PTCSC3: variants seen among roughly 807,000 people sequenced by gnomAD.
PTCSC3 encodes papillary thyroid carcinoma susceptibility candidate 3.
chr14:36,169,073 C>A (rs1882147471), intron 1 of PTCSC3, among the ~76,000 whole-genome samples: 1 of 152,094 alleles, frequency 6.6e-6, no homozygotes, highest in African/African-American at 2.4e-5. Context: ...AAAAAAAACT[C>A]TCTTAAATCC....
chr14:36,157,310 G>A (rs116523844), intron 2 of PTCSC3, among the ~76,000 whole-genome samples: 3,628 of 152,226 alleles, frequency 0.024, 138 homozygotes, highest in African/African-American at 0.084. Context: ...TCCTAAGTCA[G>A]ATGGATAGAT....
intron 1 of PTCSC3, among the ~76,000 whole-genome samples, chr14:36,172,934 AAAACT>A (rs1882215551): frequency 1.3e-5 from 2 of 151,222 alleles, no homozygotes; most frequent in African/African-American, 4.9e-5. Context: ...ATAAAAACTT[AAAACT>A]TGCTTTGTTT....
At chr14:36,157,831 T>C (rs115990136) in intron 2 of PTCSC3, among the ~76,000 whole-genome samples, 2,632 of 152,300 alleles carry the variant, frequency 0.017, 95 homozygotes, top group Admixed American at 0.082. Flanking sequence ...GCATTCACTC[T>C]ATAAATTACT....
intron 2 of PTCSC3, among the ~76,000 whole-genome samples, chr14:36,157,093 C>A (rs1384294743): frequency 2.6e-5 from 4 of 152,130 alleles, no homozygotes; most frequent in Non-Finnish European, 5.9e-5. Context: ...CTGACTTTTT[C>A]ATGATCACCA....
At chr14:36,164,705 C>T (rs1435627209) in intron 1 of PTCSC3, among the ~76,000 whole-genome samples, 3 of 152,174 alleles carry the variant, frequency 2.0e-5, no homozygotes, top group African/African-American at 7.2e-5. Flanking sequence ...TCCCCACTGA[C>T]CTCTATGTCC....
At chr14:36,155,594 T>G (rs753226267) in intron 2 of PTCSC3, among the ~76,000 whole-genome samples, 1 of 152,106 alleles carries the variant, frequency 6.6e-6, no homozygotes, top group Non-Finnish European at 1.5e-5. Context: ...AATGATACAG[T>G]AATAATGGAA....
chr14:36,151,342 T>G (rs890034885), intron 3 of PTCSC3, among the ~76,000 whole-genome samples: 9 of 152,150 alleles, frequency 5.9e-5, no homozygotes, highest in Non-Finnish European at 1.2e-4. Flanking sequence ...TTCCTACAGT[T>G]GGGATATCAT....
intron 3 of PTCSC3, among the ~76,000 whole-genome samples, chr14:36,137,179 A>G (rs1881306730): frequency 6.6e-6 from 1 of 152,200 alleles, no homozygotes; most frequent in Non-Finnish European, 1.5e-5. Context: ...CCATGCAGAT[A>G]TCTAGGGTGT....
Position 36,148,799 on chromosome 14 carries a change from CG to C in PTCSC3, n.322+5004del, listed in dbSNP as rs1237910903. On this transcript the variant is annotated intron_variant and non_coding_transcript_variant, in intron 3 of 3. Coordinates refer to ENST00000556013, the Ensembl canonical transcript of PTCSC3. ...AGCCCATTTTATCTAAATATTATCA[CG>C]TTGTGGGCATAGAGTTGTTTAAAAT... Among the ~76,000 whole-genome samples the C allele has an allele frequency of 2.6e-5, 4 of 152,218 alleles. No homozygotes were observed. In the East Asian group the frequency reaches 5.8e-4, roughly 22 times the overall value.
intron 3 of PTCSC3, among the ~76,000 whole-genome samples, chr14:36,153,471 T>C (rs757743699): frequency 6.6e-6 from 1 of 152,224 alleles, no homozygotes; most frequent in African/African-American, 2.4e-5. Context: ...GTTGACACGA[T>C]GTTGACACCC....
chr14:36,136,505 G>A (rs1023323440), intron 3 of PTCSC3: 4 of 152,160 alleles, frequency 2.6e-5, no homozygotes, highest in African/African-American at 9.7e-5. Context: ...TGATTATGAG[G>A]AGGCATGGGT....
At chr14:36,142,538 G>T (rs1036041691) in intron 3 of PTCSC3, among the ~76,000 whole-genome samples, 1 of 152,208 alleles carries the variant, frequency 6.6e-6, no homozygotes, top group African/African-American at 2.4e-5. Flanking sequence ...TTTTCTGGAA[G>T]AGATTGTGAA....
chr14:36,136,173 T>C (rs961057371), exon 4 of PTCSC3: 1 of 152,226 alleles, frequency 6.6e-6, no homozygotes. Context: ...GGCAGCTGAT[T>C]AGATGGTGCC....
At chr14:36,168,023 G>C (rs1181453312) in intron 1 of PTCSC3, among the ~76,000 whole-genome samples, 1 of 151,900 alleles carries the variant, frequency 6.6e-6, no homozygotes, top group Non-Finnish European at 1.5e-5. Flanking sequence ...ACGTTCCCAG[G>C]CATGTGAATT....
chr14:36,167,787 G>A (rs1184669563), intron 1 of PTCSC3, among the ~76,000 whole-genome samples: 3 of 151,848 alleles, frequency 2.0e-5, no homozygotes, highest in Non-Finnish European at 4.4e-5. Flanking sequence ...CCGTCAGAGG[G>A]GAAAAAACGC....
chr14:36,160,213 T>G (rs1376742759), intron 2 of PTCSC3, among the ~76,000 whole-genome samples: 1 of 152,228 alleles, frequency 6.6e-6, no homozygotes, highest in Non-Finnish European at 1.5e-5. Flanking sequence ...ATTGGGGCAT[T>G]TAGTCCATTT....
chr14:36,162,258 G>GAAAAAAA lies in PTCSC3; in HGVS notation n.231+359_231+365dup, dbSNP rs58223160. ...GCGTTCCAGGAGCTGCTGGGGTATG[G>GAAAAAAA]AAAAAAAAAAAAAAAAAAAAAAAAA... On this transcript the variant is annotated intron_variant and non_coding_transcript_variant, in intron 2 of 3. Transcript: ENST00000556013. 2.3e-3 allele frequency among the ~76,000 whole-genome samples: 247 copies of GAAAAAAA among 106,514 alleles called. 5 individuals are homozygous for GAAAAAAA. Among genetic ancestry groups the GAAAAAAA allele is most frequent in the Middle Eastern group, 9.7e-3 (2 of 206 alleles). 69.9% of individuals were successfully genotyped at this position (106,514 alleles called of 152,430 possible).
intron 1 of PTCSC3, among the ~76,000 whole-genome samples, chr14:36,170,303 G>A (rs777429951): frequency 6.6e-6 from 1 of 151,894 alleles, no homozygotes; most frequent in Non-Finnish European, 1.5e-5. Context: ...CGATTTCTCA[G>A]TAGCAATAAG....
intron 1 of PTCSC3, among the ~76,000 whole-genome samples, chr14:36,170,680 C>T (rs1882175219): frequency 6.6e-6 from 1 of 152,126 alleles, no homozygotes; most frequent in African/African-American, 2.4e-5. Flanking sequence ...GGAGAACTTC[C>T]TCTGGGATCC....
Sources: gnomAD v4.1 joint callset for allele counts (sites outside exome capture counted in the v4.1 genomes callset) on GRCh38, gnomAD v4.1.1 for gene constraint, MANE v1.5 for transcripts, NCBI Gene and HGNC (gene_info 2026-07-23, HGNC 2026-07-21) for gene names.